LRRK1: variants seen among roughly 807,000 people sequenced by gnomAD.
LRRK1 encodes the protein leucine rich repeat kinase 1.
In LRRK1, 113 loss-of-function variants were observed where a neutral mutation model predicts 209.1. The observed-to-expected ratio is 0.54, with a 90% CI of 0.46 to 0.63. The LOEUF is 0.63. LRRK1 is among the 30% of genes least tolerant of loss of function. The probability of loss-of-function intolerance (pLI) is 0.00; values close to 1 mark genes in which losing one functional copy is unlikely to be tolerated. For synonymous variants in LRRK1, 1,144 were observed against 1,099.7 expected, an observed-to-expected ratio of 1.04 and a Z score of -0.80; for missense variants, 2,284 against 2,632.2, an observed-to-expected ratio of 0.87 and a Z score of 2.89.
At chr15:100,945,208 T>G (rs1023554757) in intron 2 of LRRK1, among the ~76,000 whole-genome samples, 5 of 152,234 alleles carry the variant, frequency 3.3e-5, no homozygotes, top group African/African-American at 1.2e-4. Context: ...CATATATGCT[T>G]CGAAAAATCT....
Position 100,987,887 on chromosome 15 carries a change from G to A in LRRK1, c.434-747G>A, listed in dbSNP as rs532695550. ...AGGGGAGGGGTGAGGGCAGGGGAGA[G>A]CCCAGAGAAAATACCACAATGCTGG... On this transcript the variant is annotated intron_variant, in intron 4 of 33. Transcript: ENST00000388948. 3.9e-5 allele frequency among the ~76,000 whole-genome samples: 6 copies of A among 152,298 alleles called. No individual in the cohort carries two copies. The East Asian group carries it at 1.2e-3, about 29-fold the overall frequency.
At chr15:101,012,933 A>C (rs945916319) in intron 10 of LRRK1, among the ~76,000 whole-genome samples, 2 of 152,010 alleles carry the variant, frequency 1.3e-5, no homozygotes, top group Admixed American at 1.3e-4. Flanking sequence ...TACTCCTCGC[A>C]GGGTACTCCT....
intron 2 of LRRK1, among the ~76,000 whole-genome samples, chr15:100,937,811 C>T (rs1427966560): frequency 3.3e-5 from 5 of 151,512 alleles, no homozygotes; most frequent in African/African-American, 4.9e-5. Context: ...CTGGGATTAC[C>T]GGCGTGAGCC....
At chr15:101,059,226 C>T (rs191400044) in intron 29 of LRRK1, among the ~76,000 whole-genome samples, 4 of 152,050 alleles carry the variant, frequency 2.6e-5, no homozygotes, top group Admixed American at 2.0e-4. Context: ...TTTGTCTCTA[C>T]AAAAATAAAT....
At chr15:101,033,618 C>A (rs1026794080) in intron 20 of LRRK1, among the ~76,000 whole-genome samples, 3 of 152,164 alleles carry the variant, frequency 2.0e-5, no homozygotes, top group African/African-American at 7.2e-5. Context: ...CTTTTACAGC[C>A]AAGTAGTATT....
At chr15:101,067,455 G>A (rs952034818) in intron 33 of LRRK1, 9 of 253,692 alleles carry the variant, frequency 3.5e-5, no homozygotes, top group African/African-American at 5.1e-5. Context: ...GTGTGTGTGT[G>A]TGTGTGTGTA....
At chr15:101,014,659 G>A (rs964873127) in intron 11 of LRRK1, among the ~76,000 whole-genome samples, 1 of 152,192 alleles carries the variant, frequency 6.6e-6, no homozygotes, top group African/African-American at 2.4e-5. Flanking sequence ...TGCAGATGCC[G>A]TCTTCTCCCT....
At chr15:100,928,179 G>A (rs1307742475) in intron 2 of LRRK1, among the ~76,000 whole-genome samples, 2 of 152,210 alleles carry the variant, frequency 1.3e-5, no homozygotes, top group Admixed American at 6.5e-5. Context: ...TTTAAGTACT[G>A]ATGATTTGTG....
At position 101,071,867 on chromosome 15, in the gene LRRK1, G is replaced by C. The variant is rs933435734; in HGVS notation, c.*3019G>C. ...GCCTGCACCAGGAGGTACAATGTGAGACTGAGGAATGGGAAGAAGGCATTC... is the reference window on the plus strand; with the variant it reads ...GCCTGCACCAGGAGGTACAATGTGACACTGAGGAATGGGAAGAAGGCATTC... On this transcript the variant is annotated 3_prime_UTR_variant, in exon 34 of 34. Coordinates refer to ENST00000388948, the MANE Select transcript of LRRK1 (RefSeq NM_024652.6). 1 of 152,262 alleles carries C rather than the reference G, an allele frequency of 6.6e-6. No individual in the cohort carries two copies. Among genetic ancestry groups the C allele is most frequent in the Non-Finnish European group, 1.5e-5 (1 of 68,076 alleles). 9.4% of individuals were successfully genotyped at this position (152,262 alleles called of 1,614,324 possible).
intron 2 of LRRK1, among the ~76,000 whole-genome samples, chr15:100,939,642 T>C (rs1369700439): frequency 6.6e-6 from 1 of 152,226 alleles, no homozygotes; most frequent in African/African-American, 2.4e-5. Flanking sequence ...AGATCAATTA[T>C]TTAATTTGAG....
intron 9 of LRRK1, among the ~76,000 whole-genome samples, chr15:101,011,583 A>C (rs1205773170): frequency 1.4e-5 from 1 of 69,764 alleles, no homozygotes; most frequent in African/African-American, 5.8e-5. Context: ...TAGCATGAAG[A>C]ATGTGTGTGT....
rs1246110036 is a variant in LRRK1, at chr15:101,022,068, C to T, written c.1852+111C>T. 9 of 748,502 alleles carry T rather than the reference C, an allele frequency of 1.2e-5. No individual in the cohort carries two copies. In the East Asian group the frequency reaches 1.3e-4, roughly 11 times the overall value. 46.4% of individuals were successfully genotyped at this position (748,502 alleles called of 1,614,324 possible). On this transcript the variant is annotated intron_variant, in intron 14 of 33. Transcript: ENST00000388948. This position sits in a 1 kb window ranked among gnomAD's most constrained non-coding sequence, Gnocchi z 4.0. ...GTTGGTGACCCATGGAGCCCAGCTC[C>T]AGGTTCCAGATTTGACAAGATGCTA...
intron 2 of LRRK1, among the ~76,000 whole-genome samples, chr15:100,952,359 C>T (rs578186660): frequency 7.6e-4 from 115 of 152,124 alleles, no homozygotes; most frequent in South Asian, 5.2e-3. Context: ...TAAATGTGAC[C>T]GATGTATCCA....
chr15:100,962,422 C>T (rs768774573), intron 2 of LRRK1, among the ~76,000 whole-genome samples: 10 of 151,932 alleles, frequency 6.6e-5, no homozygotes, highest in Non-Finnish European at 1.5e-4. Flanking sequence ...CCCAGTTACT[C>T]GGGAGACTGA....
Position 101,024,772 on chromosome 15 carries a change from C to G in LRRK1, c.2068-31C>G, listed in dbSNP as rs1467307517. The G allele has an allele frequency of 1.3e-6, 2 of 1,598,082 alleles. No homozygotes were observed. The highest frequency in any genetic ancestry group is 1.3e-5 in the African/African-American group (1 of 74,660). On this transcript the variant is annotated intron_variant, in intron 15 of 33. Coordinates refer to ENST00000388948, the MANE Select transcript of LRRK1 (RefSeq NM_024652.6). The surrounding 1 kb of genome is among the most constrained non-coding windows in gnomAD (Gnocchi z 4.6). ...GACTGAAGCCTTTGTCTCTAAAATG[C>G]CTCCCTGTCGCTGCCTTGTTGCTCA... is the stretch of plus-strand genomic sequence containing the variant.
In LRRK1 at chr15:101,048,922, C is replaced by T. The variant is rs997880454; in HGVS notation, c.3299+265C>T. Among the ~76,000 whole-genome samples, 7 of 152,282 alleles carry T rather than the reference C, an allele frequency of 4.6e-5. No individual in the cohort carries two copies. The South Asian group carries it at 6.2e-4, about 14-fold the overall frequency. On this transcript the variant is annotated intron_variant, in intron 22 of 33. Transcript: ENST00000388948. Reference sequence around the variant, plus strand: ...ACAGCTGAGGACTTGAGGGACGTGGCGGCCATTGAGCTCAGGAGAGCCTCA... The same window carrying T: ...ACAGCTGAGGACTTGAGGGACGTGGTGGCCATTGAGCTCAGGAGAGCCTCA...
rs1302269451 is a variant in LRRK1 at position 101,065,449 on chromosome 15, C to G, written c.5012C>G (p.Ser1671Ter). The change falls in exon 32 of 34, where the codon TCA becomes TGA. Residue 1671 changes from serine to a stop codon, truncating the protein, a stop_gained. Coordinates refer to ENST00000388948, the MANE Select transcript of LRRK1 (RefSeq NM_024652.6). LOFTEE classifies it high-confidence loss of function. ...TPKDSCSYLCSHTANRSKFSI... is the reference protein window; with the variant it reads ...TPKDSCSYLC Reference sequence around the variant, plus strand: ...AAGGACAGCTGCTCCTACCTGTGCTCACACACAGCCAACAGGTCCAAGTTC... The same window carrying G: ...AAGGACAGCTGCTCCTACCTGTGCTGACACACAGCCAACAGGTCCAAGTTC... 1 of 1,614,092 alleles carries G rather than the reference C, an allele frequency of 6.2e-7. No individual in the cohort carries two copies. The highest frequency in any genetic ancestry group is 8.5e-7 in the Non-Finnish European group (1 of 1,180,054).
intron 4 of LRRK1, among the ~76,000 whole-genome samples, chr15:100,987,631 C>T (rs560119265): frequency 6.6e-6 from 1 of 152,048 alleles, no homozygotes; most frequent in South Asian, 2.1e-4. Flanking sequence ...TTTAATAATA[C>T]AATGACACAA....
intron 3 of LRRK1, 30 bp downstream of exon 3, chr15:100,973,997 C>G: frequency 1.6e-6 from 2 of 1,244,404 alleles, no homozygotes; most frequent in East Asian, 3.2e-5. Context: ...TGCGGCCACC[C>G]ATGCAGCCCC....
Sources: allele counts gnomAD v4.1 joint callset (sites outside exome capture counted in the v4.1 genomes callset), GRCh38; gene constraint gnomAD v4.1.1; non-coding constraint Gnocchi (gnomAD v3.1); transcripts MANE v1.5; gene names NCBI Gene and HGNC (gene_info 2026-07-23, HGNC 2026-07-21).